Variants in RIMS2 observed in about 807,000 individuals in gnomAD.
The protein encoded by RIMS2 is regulating synaptic membrane exocytosis protein 2.
RIMS2 carries 59 observed loss-of-function variants against 174.4 expected under a neutral mutation model. That is an observed-to-expected ratio of 0.34 (90% CI 0.27 to 0.42). The LOEUF (loss-of-function observed/expected upper bound fraction) is 0.42, where lower values mean the gene tolerates loss of function less well. RIMS2 is among the 10% of genes least tolerant of loss of function. RIMS2 has a pLI of 1.00. For synonymous variants in RIMS2, 606 were observed against 572.5 expected (o/e 1.06, Z -0.84); for missense variants, 1,620 against 1,666.3 (o/e 0.97, Z 0.48).
chr8:103,976,548 C>CTTTTTTTTTTTTTT (rs768820871), intron 16 of RIMS2: 4 of 124,562 alleles, frequency 3.2e-5, no homozygotes, highest in African/African-American at 9.7e-5. Flanking sequence ...TTTTCTTTTT[C>CTTTTTTTTTTTTTT]TTTTTTTTTT....
chr8:104,008,134 A>G (rs925389187), intron 17 of RIMS2, among the ~76,000 whole-genome samples: 12 of 152,144 alleles, frequency 7.9e-5, no homozygotes, highest in African/African-American at 2.9e-4. Context: ...AATGTTTGCT[A>G]TTTTATGGAA....
At chr8:103,857,321 T>C (rs1311600633) in intron 3 of RIMS2, among the ~76,000 whole-genome samples, 2 of 152,240 alleles carry the variant, frequency 1.3e-5, no homozygotes, top group Non-Finnish European at 2.9e-5. Flanking sequence ...TAGTTACAGT[T>C]TATTGAAATT....
At chr8:104,181,340 T>A (rs1219442957) in intron 19 of RIMS2, among the ~76,000 whole-genome samples, 1 of 151,530 alleles carries the variant, frequency 6.6e-6, no homozygotes, top group Non-Finnish European at 1.5e-5. Context: ...GTAAAAAAAA[T>A]TATGATTAAT....
chr8:103,857,630 A>G (rs750421007), intron 3 of RIMS2, among the ~76,000 whole-genome samples: 18 of 152,280 alleles, frequency 1.2e-4, no homozygotes, highest in Non-Finnish European at 2.4e-4. Flanking sequence ...GAGATACACA[A>G]TATTTAATAT....
At chr8:103,735,292 A>G (rs1331852170) in intron 2 of RIMS2, among the ~76,000 whole-genome samples, 1 of 152,198 alleles carries the variant, frequency 6.6e-6, no homozygotes. Flanking sequence ...TTCATTGTTA[A>G]AGTGGGAGTG....
At chr8:104,085,324 A>C (rs760672455) in intron 19 of RIMS2, among the ~76,000 whole-genome samples, 3 of 152,218 alleles carry the variant, frequency 2.0e-5, no homozygotes, top group Non-Finnish European at 4.4e-5. Flanking sequence ...TCCAATAAGA[A>C]AGAAAAAAGA....
chr8:103,797,817 C>A lies in RIMS2; in HGVS notation c.698+31280C>A, dbSNP rs2098561188. Among the ~76,000 whole-genome samples the A allele has an allele frequency of 2.0e-5, 3 of 152,138 alleles. No individual in the cohort carries two copies. The South Asian group carries it at 6.2e-4, about 32-fold the overall frequency. On this transcript the variant is annotated intron_variant, in intron 3 of 23. Transcript: ENST00000504942. Reference sequence around the variant, plus strand: ...ATGTCTTGCTTTTTTTCCATGTTCTCCTATCCATTTTTGGGCAGCGTGACC... The same window carrying A: ...ATGTCTTGCTTTTTTTCCATGTTCTACTATCCATTTTTGGGCAGCGTGACC...
chr8:104,136,922 C>A (rs1488202013), intron 19 of RIMS2, among the ~76,000 whole-genome samples: 1 of 151,988 alleles, frequency 6.6e-6, no homozygotes, highest in African/African-American at 2.4e-5. Flanking sequence ...TATGTAACAA[C>A]CTGCACTTGT....
rs190317691 is a variant in RIMS2 at position 104,181,473 on chromosome 8, C to A, written c.3335-63443C>A. On this transcript the variant is annotated intron_variant, in intron 19 of 23. Transcript: ENST00000504942. ...TAAAATCTTTAATCTGAGCCGTCAA[C>A]CCTTTCTGTTGTAATTTCATATTAT... Among the ~76,000 whole-genome samples the A allele has an allele frequency of 6.4e-3, 972 of 151,722 alleles. 8 individuals are homozygous for A. Among genetic ancestry groups the A allele is most frequent in the Middle Eastern group, 0.021 (6 of 292 alleles).
intron 19 of RIMS2, among the ~76,000 whole-genome samples, chr8:104,207,264 C>T (rs148432871): frequency 1.3e-5 from 2 of 152,210 alleles, no homozygotes; most frequent in East Asian, 3.9e-4. Flanking sequence ...TGTCCAGCTG[C>T]AGAGCTAGCA....
intron 15 of RIMS2, among the ~76,000 whole-genome samples, chr8:103,975,085 T>C (rs929350011): frequency 1.3e-5 from 2 of 152,222 alleles, no homozygotes; most frequent in African/African-American, 4.8e-5. Flanking sequence ...TGTAAAATTT[T>C]ACTCTAAGTT....
intron 3 of RIMS2, among the ~76,000 whole-genome samples, chr8:103,769,607 T>C (rs2098225920): frequency 6.6e-6 from 1 of 152,182 alleles, no homozygotes; most frequent in Non-Finnish European, 1.5e-5. Flanking sequence ...ATTACAGGCG[T>C]GAGCCACCGT....
chr8:103,882,975 T>G (rs539348812), intron 3 of RIMS2, among the ~76,000 whole-genome samples: 1 of 151,756 alleles, frequency 6.6e-6, no homozygotes, highest in East Asian at 1.9e-4. Context: ...TTAAATGTAT[T>G]ATGGGAAATC....
chr8:104,057,695 TCTC>T (rs1463313639), intron 19 of RIMS2, among the ~76,000 whole-genome samples: 2 of 149,828 alleles, frequency 1.3e-5, no homozygotes, highest in Non-Finnish European at 3.0e-5. Context: ...ATTAGGTATA[TCTC>T]CTAATGCTAT....
At chr8:104,126,893 A>T (rs1333717042) in intron 19 of RIMS2, among the ~76,000 whole-genome samples, 1 of 152,188 alleles carries the variant, frequency 6.6e-6, no homozygotes, top group Non-Finnish European at 1.5e-5. Context: ...CCCTGCAAAT[A>T]CACTTGCCTC....
chr8:104,101,889 C>T (rs1056444247), intron 19 of RIMS2, among the ~76,000 whole-genome samples: 2 of 152,006 alleles, frequency 1.3e-5, no homozygotes, highest in African/African-American at 2.4e-5. Context: ...TTTGTCTGCC[C>T]TCTTGGCTTT....
intron 3 of RIMS2, among the ~76,000 whole-genome samples, chr8:103,841,992 G>A (rs2098942834): frequency 6.6e-6 from 1 of 151,914 alleles, no homozygotes; most frequent in African/African-American, 2.4e-5. Context: ...AAAAGAAATA[G>A]ATAGCTTTAT....
intron 1 of RIMS2, among the ~76,000 whole-genome samples, chr8:103,553,100 A>G (rs1848792998): frequency 6.6e-6 from 1 of 152,134 alleles, no homozygotes; most frequent in South Asian, 2.1e-4. Context: ...TACTGGGTAT[A>G]TACCCAAAGG....
At chr8:103,845,346 A>G (rs2098962160) in intron 3 of RIMS2, among the ~76,000 whole-genome samples, 1 of 152,136 alleles carries the variant, frequency 6.6e-6, no homozygotes, top group Non-Finnish European at 1.5e-5. Context: ...TTTCATTATT[A>G]GGAAACTGCC....
Sources: allele counts gnomAD v4.1 joint callset (sites outside exome capture counted in the v4.1 genomes callset), GRCh38; gene constraint gnomAD v4.1.1; transcripts MANE v1.5; gene names NCBI Gene and HGNC (gene_info 2026-07-23, HGNC 2026-07-21).